PGR: variants seen among roughly 807,000 people sequenced by gnomAD.
The protein encoded by PGR is nuclear receptor subfamily 3 group C member 3.
PGR carries 25 observed loss-of-function variants against 76.1 expected under a neutral mutation model. That is an observed-to-expected ratio of 0.33 (90% CI 0.24 to 0.46). The LOEUF (loss-of-function observed/expected upper bound fraction) is 0.46. Ranked by LOEUF, PGR falls within the 20% of genes least tolerant of loss-of-function variation. The pLI is 1.00. For missense variants in PGR, 1,172 were observed against 1,225.3 expected (o/e 0.96, Z 0.65); for synonymous variants, 579 against 535.0 (o/e 1.08, Z -1.14).
chr11:101,101,001 T>G lies in PGR; in HGVS notation c.1790-9125A>C, dbSNP rs114146958. Among the ~76,000 whole-genome samples the G allele has an allele frequency of 2.8e-3, 428 of 152,292 alleles. 1 individual carries two copies. The highest frequency in any genetic ancestry group is 9.9e-3 in the African/African-American group (413 of 41,554). On this transcript the variant is annotated intron_variant, in intron 2 of 7. Coordinates refer to ENST00000325455, the MANE Select transcript of PGR (RefSeq NM_000926.4). Reference sequence around the variant, plus strand: ...AAGTAAAGACAACTCCAGCAGGAATTCAGATTTTCACATGTAATATAATTT... The same window carrying G: ...AAGTAAAGACAACTCCAGCAGGAATGCAGATTTTCACATGTAATATAATTT...
Position 101,034,475 on chromosome 11 carries a change from A to T in PGR, c.*4641T>A, listed in dbSNP as rs1859445689. The T allele has an allele frequency of 5.5e-6, 1 of 181,210 alleles. No homozygotes were observed. The highest frequency in any genetic ancestry group is 2.1e-3 in the Middle Eastern group (1 of 486). The allele number at this position is 181,210 out of a possible 1,614,324, so 11.2% of individuals were successfully genotyped here. On this transcript the variant is annotated 3_prime_UTR_variant, in exon 8 of 8. Coordinates refer to ENST00000325455, the MANE Select transcript of PGR (RefSeq NM_000926.4). ...AGGTATGTATTGAATAATTTCTGCCATGAACAGCTGCTGTGTTTAACTTAC... is the reference window on the plus strand; with the variant it reads ...AGGTATGTATTGAATAATTTCTGCCTTGAACAGCTGCTGTGTTTAACTTAC...
chr11:101,080,625 T>C (rs553123252), intron 3 of PGR, among the ~76,000 whole-genome samples: 12 of 152,244 alleles, frequency 7.9e-5, no homozygotes, highest in African/African-American at 2.6e-4. Flanking sequence ...TTTCCAGCAA[T>C]GGTCCCTAAC....
rs1859539906 is a variant in PGR at position 101,037,107 on chromosome 11, G to A, written c.*2009C>T. 5.1e-6 allele frequency: 1 copy of A among 196,334 alleles called. No homozygotes were observed. Among genetic ancestry groups the A allele is most frequent in the Non-Finnish European group, 1.1e-5 (1 of 94,676 alleles). 12.2% of individuals were successfully genotyped at this position (196,334 alleles called of 1,614,324 possible). A position where few individuals can be genotyped will look rare whatever the true frequency, so the allele number is the denominator to read the frequency against. On this transcript the variant is annotated 3_prime_UTR_variant, in exon 8 of 8. Coordinates refer to ENST00000325455, the MANE Select transcript of PGR (RefSeq NM_000926.4). ...GTTAAAAATACTTTTTTCTTGGGAT[G>A]ACATTTGTGGGGAAAATATATTGAA...
chr11:101,059,008 A>C (rs1380336658), intron 4 of PGR, among the ~76,000 whole-genome samples: 2 of 152,124 alleles, frequency 1.3e-5, no homozygotes, highest in Non-Finnish European at 2.9e-5. Flanking sequence ...GGAGACTATA[A>C]AATTTTTGAT....
Position 101,039,263 on chromosome 11 carries a change from T to C in PGR, c.2655A>G (p.Lys885=). 1 of 1,609,092 alleles carries C rather than the reference T, an allele frequency of 6.2e-7. No homozygotes were observed. Among genetic ancestry groups the C allele is most frequent in the Middle Eastern group, 1.7e-4 (1 of 6,048 alleles). Residue 885 remains lysine (K), a synonymous_variant, in exon 8 of 8, where the codon AAA becomes AAG. Coordinates refer to ENST00000325455, the MANE Select transcript of PGR (RefSeq NM_000926.4). ...TATTCAAGCAGTACAGATGAAGTTG[T>C]TTGACAAGCTGTTGGTTTAACAAAT... The part of the protein sequence containing the change: ...KLLDNLHDLV[K]QLHLYCLNTF...
At chr11:101,046,537 C>A (rs1374359975) in intron 6 of PGR, among the ~76,000 whole-genome samples, 1 of 151,716 alleles carries the variant, frequency 6.6e-6, no homozygotes, top group African/African-American at 2.4e-5. Context: ...TATTTAATGG[C>A]AAATGAGAGG....
chr11:101,058,732 A>T (rs1860380099), intron 4 of PGR, among the ~76,000 whole-genome samples: 1 of 152,184 alleles, frequency 6.6e-6, no homozygotes, highest in Non-Finnish European at 1.5e-5. Flanking sequence ...TAAAGGTGAC[A>T]CCGAATTGTG....
intron 2 of PGR, 151 bp from the exon 3 acceptor site, chr11:101,092,027 C>G: frequency 1.5e-6 from 1 of 668,572 alleles, no homozygotes; most frequent in South Asian, 1.7e-5. Flanking sequence ...GTTGGTGAAG[C>G]TATAAAACTG....
chr11:101,049,146 T>C (rs910483525), intron 6 of PGR, among the ~76,000 whole-genome samples: 5 of 149,770 alleles, frequency 3.3e-5, no homozygotes, highest in Non-Finnish European at 7.4e-5. Context: ...AAACACACAT[T>C]AGCCTAGACC....
chr11:101,125,751 G>A (rs1170849123), intron 2 of PGR, among the ~76,000 whole-genome samples: 3 of 152,154 alleles, frequency 2.0e-5, no homozygotes, highest in African/African-American at 4.8e-5. Flanking sequence ...TAGTAGCACT[G>A]TCCTCAAGAT....
chr11:101,040,281 G>T (rs1859654274), intron 7 of PGR, among the ~76,000 whole-genome samples: 1 of 151,884 alleles, frequency 6.6e-6, no homozygotes, highest in Admixed American at 6.6e-5. Context: ...CCTGGAGCTG[G>T]TATCCTAGAA....
chr11:101,127,516 C>T lies in PGR; in HGVS notation c.1555G>A (p.Gly519Arg). ...GCCTGGTAGCCGAGCTGCGGGAGCC[C>T]GTTGAGGCCGAGTGCAGGGTAGAGC... is the stretch of plus-strand genomic sequence containing the variant. Reference protein sequence around the residue: ...PALYPALGLNGLPQLGYQAAV... With the variant: ...PALYPALGLNRLPQLGYQAAV... Residue 519 changes from glycine to arginine, a missense_variant, in exon 1 of 8, where the codon GGG (glycine) becomes AGG (arginine). Gly to Arg is a moderately radical substitution (Grantham distance 125). This residue lies in a region of PGR where 893 missense variants were observed against 785.9 expected (regional missense o/e 1.14). Transcript: ENST00000325455. The T allele has an allele frequency of 6.5e-7, 1 of 1,536,364 alleles. No homozygotes were observed. The highest frequency in any genetic ancestry group is 1.2e-5 in the South Asian group (1 of 83,228).
At chr11:101,062,014 A>G (rs1860520177) in intron 4 of PGR, among the ~76,000 whole-genome samples, 1 of 152,140 alleles carries the variant, frequency 6.6e-6, no homozygotes, top group Non-Finnish European at 1.5e-5. Context: ...TTGACACCTT[A>G]CTGTACTCTG....
At chr11:101,084,840 T>C (rs1056495668) in intron 3 of PGR, among the ~76,000 whole-genome samples, 5 of 152,056 alleles carry the variant, frequency 3.3e-5, no homozygotes, top group African/African-American at 1.2e-4. Flanking sequence ...TTAGATTAGA[T>C]AAAACAGACT....
chr11:101,053,629 TTCC>T lies in PGR; in HGVS notation c.2213-2064_2213-2062del, dbSNP rs573149221. On this transcript the variant is annotated intron_variant, in intron 4 of 7. Transcript: ENST00000325455. ...CTCCCTCCTTTCTTCCCTCCCCTTC[TTCC>T]TCCTTTCTTCCCTCCCCTTTTCCCT... 2.5e-3 allele frequency among the ~76,000 whole-genome samples: 266 copies of T among 107,498 alleles called. 4 individuals carry two copies. Among genetic ancestry groups the T allele is most frequent in the Non-Finnish European group, 4.2e-3 (204 of 48,394 alleles). 70.5% of individuals were successfully genotyped at this position (107,498 alleles called of 152,430 possible).
chr11:101,071,198 C>A (rs1860922977), intron 3 of PGR, among the ~76,000 whole-genome samples: 1 of 152,104 alleles, frequency 6.6e-6, no homozygotes, highest in Non-Finnish European at 1.5e-5. Context: ...TGGAGTGGAC[C>A]TCCAGCAAAC....
chr11:101,070,027 G>C lies in PGR; in HGVS notation c.1907-7275C>G, dbSNP rs962895996. On this transcript the variant is annotated intron_variant, in intron 3 of 7. Coordinates refer to ENST00000325455, the MANE Select transcript of PGR (RefSeq NM_000926.4). Reference sequence around the variant, plus strand: ...AAAAAAAAAAGTAGAGTGGTTGCTGGCTGGCAAGATGGCTGAATAGGAATA... The same window carrying C: ...AAAAAAAAAAGTAGAGTGGTTGCTGCCTGGCAAGATGGCTGAATAGGAATA... Among the ~76,000 whole-genome samples, 3 of 152,058 alleles carry C rather than the reference G, an allele frequency of 2.0e-5. No individual in the cohort carries two copies. The East Asian group carries it at 5.8e-4, about 29-fold the overall frequency.
At chr11:101,090,847 A>G (rs1861653709) in intron 3 of PGR, among the ~76,000 whole-genome samples, 1 of 152,220 alleles carries the variant, frequency 6.6e-6, no homozygotes, top group Non-Finnish European at 1.5e-5. Flanking sequence ...AAAACAAATG[A>G]GGTGACAGTT....
At chr11:101,086,245 G>A (rs1031864870) in intron 3 of PGR, among the ~76,000 whole-genome samples, 2 of 152,054 alleles carry the variant, frequency 1.3e-5, no homozygotes, top group African/African-American at 2.4e-5. Flanking sequence ...AATTTACCAC[G>A]ATCAAGTTGG....
Sources: allele counts gnomAD v4.1 joint callset (sites outside exome capture counted in the v4.1 genomes callset), GRCh38; gene constraint gnomAD v4.1.1; regional missense constraint gnomAD v4.1.1; transcripts MANE v1.5; gene names NCBI Gene and HGNC (gene_info 2026-07-23, HGNC 2026-07-21).